DLGAP4: variants seen among roughly 807,000 people sequenced by gnomAD.
The protein encoded by DLGAP4 is DLG associated protein 4.
In DLGAP4, 18 loss-of-function variants were observed where a neutral mutation model predicts 86.9. That is an observed-to-expected ratio of 0.21 (90% CI 0.14 to 0.31). The LOEUF is 0.31. Among genes scored for constraint, DLGAP4 ranks in the 10% least tolerant of loss-of-function variants. DLGAP4 has a pLI of 1.00. For missense variants in DLGAP4, 1,085 were observed against 1,362.6 expected, an observed-to-expected ratio of 0.80 and a Z score of 3.21; for synonymous variants, 548 against 574.3, an observed-to-expected ratio of 0.95 and a Z score of 0.65.
intron 1 of DLGAP4, among the ~76,000 whole-genome samples, chr20:36,364,462 A>G (rs1310290854): frequency 1.3e-5 from 2 of 152,206 alleles, no homozygotes; most frequent in Non-Finnish European, 2.9e-5. Context: ...GGCTTTTAGT[A>G]TATTTACAGG....
chr20:36,493,797 C>A (rs774399251), intron 7 of DLGAP4, among the ~76,000 whole-genome samples: 68 of 152,216 alleles, frequency 4.5e-4, no homozygotes, highest in Non-Finnish European at 4.1e-4. Context: ...GCTTCACGTG[C>A]CCCACCTGCA....
intron 10 of DLGAP4, among the ~76,000 whole-genome samples, chr20:36,520,998 A>C (rs996798661): frequency 6.6e-6 from 1 of 152,104 alleles, no homozygotes; most frequent in African/African-American, 2.4e-5. Context: ...AAGCCCGGCT[A>C]ATTTTAGTAT....
At position 36,526,921 on chromosome 20, in the gene DLGAP4, C is replaced by T. The variant is rs1258495001; in HGVS notation, c.2869C>T (p.Arg957Cys). ...CAGCGACAAGCAGCGCCAGGAGGCC[C>T]GCAAGAGACTCCTGGCGGCCAAGCG... ...DASDKQRQEA[R>C]KRLLAAKRAA... The change falls in exon 13 of 13, where the codon CGC (arginine) becomes TGC (cysteine). Residue 957 changes from arginine to cysteine, a missense_variant. This residue lies in a region of DLGAP4 where 1,082 missense variants were observed against 1,344.1 expected (regional missense o/e 0.81). Transcript: ENST00000339266. 1.9e-6 allele frequency: 3 copies of T among 1,613,712 alleles called. No homozygotes were observed. Among genetic ancestry groups the T allele is most frequent in the Middle Eastern group, 1.7e-4 (1 of 6,050 alleles).
At chr20:36,373,045 G>A (rs1219687545) in intron 2 of DLGAP4, among the ~76,000 whole-genome samples, 1 of 151,934 alleles carries the variant, frequency 6.6e-6, no homozygotes, top group East Asian at 1.9e-4. Context: ...GCGTGCTCCT[G>A]CCTAGGGAGA....
rs778029038 is a variant in DLGAP4 at position 36,500,306 on chromosome 20, G to A, written c.2207G>A (p.Cys736Tyr). The A allele has an allele frequency of 1.5e-5, 25 of 1,613,858 alleles. No individual in the cohort carries two copies. The highest frequency in any genetic ancestry group is 1.9e-5 in the Non-Finnish European group (23 of 1,179,910). ...CKSSERSLPD[C>Y]TPHPNSISID... ...TCATCTGAGAGGAGCCTCCCGGACT[G>A]TACCCCTCACCCCAACTCCATCAGC... Residue 736 changes from cysteine to tyrosine, a missense_variant, in exon 10 of 13, where the codon TGT becomes TAT. Around this residue, in one of 2 missense-constraint regions of DLGAP4, gnomAD observed 1,082 missense variants for 1,344.1 expected, o/e 0.81. Coordinates refer to ENST00000339266, the MANE Select transcript of DLGAP4 (RefSeq NM_001365621.2). This position sits in a 1 kb window ranked among gnomAD's most constrained non-coding sequence, Gnocchi z 4.6.
At chr20:36,516,266 T>C (rs533202701) in intron 10 of DLGAP4, among the ~76,000 whole-genome samples, 4 of 152,350 alleles carry the variant, frequency 2.6e-5, no homozygotes, top group African/African-American at 9.6e-5. Flanking sequence ...GTGCACATTA[T>C]AGAGAGTTGG....
chr20:36,500,590 G>A lies in DLGAP4; in HGVS notation c.2491G>A (p.Glu831Lys). The A allele has an allele frequency of 6.6e-7, 1 of 1,505,670 alleles. No homozygotes were observed. Among genetic ancestry groups the A allele is most frequent in the Non-Finnish European group, 8.9e-7 (1 of 1,127,664 alleles). 93.3% of individuals were successfully genotyped at this position (1,505,670 alleles called of 1,614,324 possible). A position where few individuals can be genotyped will look rare whatever the true frequency, so the allele number is the denominator to read the frequency against. ...CTGCCAGATGGACAAGGAGACCAAA[G>A]AGAACAACCTCTCTGAAGAAGGTGG... ...WCCQMDKETK[E>K]NNLSEEVLGK... Residue 831 changes from glutamate to lysine, a missense_variant, in exon 10 of 13, where the codon GAG (glutamate) becomes AAG (lysine). Glu to Lys is a moderately conservative substitution (Grantham distance 56). Around this residue, in one of 2 missense-constraint regions of DLGAP4, gnomAD observed 1,082 missense variants for 1,344.1 expected, o/e 0.81. Transcript: ENST00000339266. This position sits in a 1 kb window ranked among gnomAD's most constrained non-coding sequence, Gnocchi z 4.6.
intron 2 of DLGAP4, among the ~76,000 whole-genome samples, chr20:36,410,717 A>G (rs896789533): frequency 6.6e-6 from 1 of 152,122 alleles, no homozygotes; most frequent in African/African-American, 2.4e-5. Context: ...ACTCATCACT[A>G]TGGGAATGGT....
At chr20:36,489,571 GGTTTCAGGTTGTGGTGCCACTGAATA>G (rs6147335) in intron 7 of DLGAP4, among the ~76,000 whole-genome samples, 10,679 of 152,122 alleles carry the variant, frequency 0.07, 400 homozygotes, top group East Asian at 0.12. Context: ...ACCATTGAAT[GGTTTCAGGTTGTGGTGCCACTGAATA>G]GTTTCAAACA....
rs1268211719 is a variant in DLGAP4, at chr20:36,353,868, C to T, written c.-303-13177C>T. Among the ~76,000 whole-genome samples the T allele has an allele frequency of 2.6e-5, 4 of 152,338 alleles. No individual in the cohort carries two copies. The East Asian group carries it at 7.7e-4, about 29-fold the overall frequency. Reference sequence around the variant, plus strand: ...TTCTGTACAGAATGTCCTGTGTGCTCCTGTCCACAGCTGTGCCATCATCAT... The same window carrying T: ...TTCTGTACAGAATGTCCTGTGTGCTTCTGTCCACAGCTGTGCCATCATCAT... On this transcript the variant is annotated intron_variant, in intron 1 of 12. Transcript: ENST00000339266.
At chr20:36,392,505 G>A in intron 2 of DLGAP4, among the ~76,000 whole-genome samples, 1 of 118,122 alleles carries the variant, frequency 8.5e-6, no homozygotes, top group East Asian at 5.4e-4. Context: ...CTGAGTAGCT[G>A]GGATTACAGC....
intron 7 of DLGAP4, among the ~76,000 whole-genome samples, chr20:36,463,499 C>CTGGT (rs2034194876): frequency 6.6e-6 from 1 of 152,216 alleles, no homozygotes; most frequent in Admixed American, 6.5e-5. Context: ...TCCCCACTAC[C>CTGGT]TGGTTATTCG....
rs532267419 is a variant in DLGAP4, at chr20:36,381,209, G to A, written c.-73+13934G>A. Among the ~76,000 whole-genome samples the A allele has an allele frequency of 1.1e-4, 16 of 152,256 alleles. 1 individual carries two copies. The South Asian group carries it at 3.3e-3, about 32-fold the overall frequency. ...CAAGCAAGCATATATTGTGTTTTGG[G>A]CACTGAACACAGTACTGCACATGAC... On this transcript the variant is annotated intron_variant, in intron 2 of 12. Coordinates refer to ENST00000339266, the MANE Select transcript of DLGAP4 (RefSeq NM_001365621.2).
At chr20:36,486,788 T>A (rs1188657003) in intron 7 of DLGAP4, among the ~76,000 whole-genome samples, 1 of 151,876 alleles carries the variant, frequency 6.6e-6, no homozygotes, top group Non-Finnish European at 1.5e-5. Context: ...TTTTTTGTAT[T>A]TTTAGTAGAG....
intron 7 of DLGAP4, among the ~76,000 whole-genome samples, chr20:36,477,344 C>T (rs1456836568): frequency 6.6e-6 from 1 of 152,132 alleles, no homozygotes; most frequent in Non-Finnish European, 1.5e-5. Context: ...ATCCACCCGC[C>T]TCTGCCTCCC....
chr20:36,364,793 C>T (rs1569472756), intron 1 of DLGAP4, among the ~76,000 whole-genome samples: 3 of 152,098 alleles, frequency 2.0e-5, no homozygotes, highest in Non-Finnish European at 2.9e-5. Context: ...TGGTGCTTCC[C>T]GACCATTATA....
At chr20:36,307,206 A>G (rs1310690241) in intron 1 of DLGAP4, among the ~76,000 whole-genome samples, 1 of 151,902 alleles carries the variant, frequency 6.6e-6, no homozygotes, top group Non-Finnish European at 1.5e-5. Context: ...GGGCACTCAC[A>G]TGGCTACCGG....
chr20:36,435,192 G>C (rs1455928223), intron 3 of DLGAP4, among the ~76,000 whole-genome samples: 2 of 152,116 alleles, frequency 1.3e-5, no homozygotes, highest in African/African-American at 2.4e-5. Flanking sequence ...TGTACATTTT[G>C]AGATATGTGT....
intron 7 of DLGAP4, among the ~76,000 whole-genome samples, chr20:36,458,692 C>T (rs889619474): frequency 2.0e-5 from 3 of 151,666 alleles, no homozygotes; most frequent in Non-Finnish European, 2.9e-5. Context: ...AATGAGACTC[C>T]GTCTCAAAAT....
Sources: allele counts gnomAD v4.1 joint callset (sites outside exome capture counted in the v4.1 genomes callset), GRCh38; gene constraint gnomAD v4.1.1; regional missense constraint gnomAD v4.1.1; non-coding constraint Gnocchi (gnomAD v3.1); transcripts MANE v1.5; gene names NCBI Gene and HGNC (gene_info 2026-07-23, HGNC 2026-07-21).